Variants in NECAB1 observed in about 807,000 individuals in gnomAD.
NECAB1 encodes N-terminal EF-hand calcium binding protein 1.
In NECAB1, 29 loss-of-function variants were observed where a neutral mutation model predicts 57.5. The ratio of observed to expected loss-of-function variants is 0.50; its 90% CI spans 0.38 to 0.69. The LOEUF is 0.69. Among genes scored for constraint, NECAB1 ranks in the 30% least tolerant of loss-of-function variants. The probability of loss-of-function intolerance (pLI) is 0.00; values close to 1 mark genes in which losing one functional copy is unlikely to be tolerated. For missense variants in NECAB1, 372 were observed against 413.8 expected (o/e 0.90, Z 0.88); for synonymous variants, 142 against 147.7 (o/e 0.96, Z 0.28).
At chr8:90,927,273 G>A (rs2130175843) in intron 7 of NECAB1, among the ~76,000 whole-genome samples, 1 of 136,462 alleles carries the variant, frequency 7.3e-6, no homozygotes, top group East Asian at 2.2e-4. Context: ...TAATTTGGTG[G>A]GCCTTGAAAG....
chr8:90,871,158 T>C (rs1481709701), intron 3 of NECAB1, among the ~76,000 whole-genome samples: 1 of 152,198 alleles, frequency 6.6e-6, no homozygotes, highest in Non-Finnish European at 1.5e-5. Context: ...GTGACAACTA[T>C]ATAAAGTCAA....
At chr8:90,907,159 A>AG (rs1658432178) in intron 5 of NECAB1, among the ~76,000 whole-genome samples, 1 of 140,258 alleles carries the variant, frequency 7.1e-6, no homozygotes, top group East Asian at 2.1e-4. Flanking sequence ...TGTGAGAGAG[A>AG]GAGAGAGAGA....
chr8:90,819,808 G>A (rs1187513574), intron 2 of NECAB1, among the ~76,000 whole-genome samples: 1 of 151,932 alleles, frequency 6.6e-6, no homozygotes, highest in East Asian at 1.9e-4. Context: ...CGTCCTCTCA[G>A]GTGGGACAGG....
At chr8:90,846,570 T>C (rs1812562418) in intron 3 of NECAB1, among the ~76,000 whole-genome samples, 1 of 152,190 alleles carries the variant, frequency 6.6e-6, no homozygotes, top group African/African-American at 2.4e-5. Flanking sequence ...CAGTCTTTTG[T>C]AGCAAAAGAT....
At chr8:90,869,922 T>C (rs1808590968) in intron 3 of NECAB1, among the ~76,000 whole-genome samples, 1 of 152,162 alleles carries the variant, frequency 6.6e-6, no homozygotes, top group African/African-American at 2.4e-5. Flanking sequence ...CCAAATCTCA[T>C]GTTGAATTTC....
At chr8:90,951,814 T>G (rs1370884178) in intron 12 of NECAB1, among the ~76,000 whole-genome samples, 1 of 151,428 alleles carries the variant, frequency 6.6e-6, no homozygotes, top group Non-Finnish European at 1.5e-5. Context: ...CCATTAGAGA[T>G]AATATGTGTT....
chr8:90,889,485 A>T (rs1028803076), intron 5 of NECAB1, among the ~76,000 whole-genome samples: 6 of 152,224 alleles, frequency 3.9e-5, no homozygotes, highest in African/African-American at 1.4e-4. Flanking sequence ...AGGATTTGTT[A>T]GTTGTAATCG....
chr8:90,938,777 A>G (rs1810601415), intron 9 of NECAB1, among the ~76,000 whole-genome samples: 3 of 152,318 alleles, frequency 2.0e-5, no homozygotes, highest in South Asian at 2.1e-4. Flanking sequence ...ATCAATGTAC[A>G]TAAGTGAATG....
chr8:90,872,015 A>C, intron 3 of NECAB1, 113 bp from the exon 4 acceptor site: 1 of 772,802 alleles, frequency 1.3e-6, no homozygotes, highest in Admixed American at 2.8e-5. Flanking sequence ...CCTTAACTAC[A>C]TACCATCAAT....
intron 3 of NECAB1, among the ~76,000 whole-genome samples, chr8:90,864,000 G>T (rs1808458955): frequency 6.6e-6 from 1 of 152,070 alleles, no homozygotes; most frequent in Admixed American, 6.6e-5. Flanking sequence ...GACTGATGCT[G>T]GTCCTCAAAG....
intron 5 of NECAB1, among the ~76,000 whole-genome samples, chr8:90,888,306 G>C (rs978764280): frequency 2.6e-5 from 4 of 152,160 alleles, no homozygotes. Context: ...CAAAAATATA[G>C]TTCTGAACTA....
intron 5 of NECAB1, among the ~76,000 whole-genome samples, chr8:90,897,371 C>A (rs1003745294): frequency 3.3e-5 from 5 of 152,242 alleles, no homozygotes; most frequent in Middle Eastern, 3.4e-3. Flanking sequence ...GCAAAACTAC[C>A]AATATGGTCA....
At chr8:90,939,104 G>A (rs993780032) in intron 9 of NECAB1, among the ~76,000 whole-genome samples, 16 of 152,190 alleles carry the variant, frequency 1.1e-4, no homozygotes, top group African/African-American at 3.9e-4. Context: ...TTGTTTATGT[G>A]TGGGCTGTGG....
At chr8:90,912,699 C>T (rs984438336) in intron 5 of NECAB1, among the ~76,000 whole-genome samples, 2 of 151,354 alleles carry the variant, frequency 1.3e-5, no homozygotes, top group Admixed American at 6.6e-5. Context: ...TTTTATAAGG[C>T]TTAAATTTGA....
chr8:90,852,923 C>A (rs966524306), intron 3 of NECAB1, among the ~76,000 whole-genome samples: 3 of 152,270 alleles, frequency 2.0e-5, no homozygotes, highest in Non-Finnish European at 4.4e-5. Flanking sequence ...AAGGCTATCA[C>A]ACTGGCCCTT....
chr8:90,888,827 T>TC (rs1809077766), intron 5 of NECAB1, among the ~76,000 whole-genome samples: 1 of 152,214 alleles, frequency 6.6e-6, no homozygotes, highest in South Asian at 2.1e-4. Flanking sequence ...GAATGATTTA[T>TC]CCCGTGACCT....
At chr8:90,795,475 A>G (rs573665527) in intron 1 of NECAB1, among the ~76,000 whole-genome samples, 7 of 152,206 alleles carry the variant, frequency 4.6e-5, no homozygotes, top group Middle Eastern at 6.8e-3. Flanking sequence ...AAGCATGCAC[A>G]CTCATGTACA....
At chr8:90,834,262 T>C (rs1187687740) in intron 3 of NECAB1, among the ~76,000 whole-genome samples, 8 of 152,068 alleles carry the variant, frequency 5.3e-5, no homozygotes, top group Admixed American at 5.2e-4. Flanking sequence ...AAGTGCAGGT[T>C]TTTTCAAGAG....
At chr8:90,821,583 T>C (rs1812144634) in intron 2 of NECAB1, among the ~76,000 whole-genome samples, 1 of 151,836 alleles carries the variant, frequency 6.6e-6, no homozygotes, top group South Asian at 2.1e-4. Context: ...TTAAAGATCT[T>C]CCTTCACTAA....
Sources: gnomAD v4.1 joint callset for allele counts (sites outside exome capture counted in the v4.1 genomes callset) on GRCh38, gnomAD v4.1.1 for gene constraint, MANE v1.5 for transcripts, NCBI Gene and HGNC (gene_info 2026-07-23, HGNC 2026-07-21) for gene names.